Variants in NRXN3 observed in about 807,000 individuals in gnomAD.
NRXN3 encodes the protein neurexin III.
A neutral mutation model predicts 137.6 loss-of-function variants in NRXN3; 32 were observed. That is an observed-to-expected ratio of 0.23 (90% CI 0.18 to 0.31). NRXN3 has a LOEUF of 0.31. NRXN3 is among the 10% of genes least tolerant of loss of function. The pLI is 1.00. For missense variants in NRXN3, 1,574 were observed against 2,062.5 expected (o/e 0.76, Z 4.59); for synonymous variants, 798 against 784.5 (o/e 1.02, Z -0.29).
At chr14:78,469,579 GTC>G (rs937583080) in intron 4 of NRXN3, among the ~76,000 whole-genome samples, 1 of 152,190 alleles carries the variant, frequency 6.6e-6, no homozygotes, top group Non-Finnish European at 1.5e-5. Context: ...GACAGGAGCA[GTC>G]AGAAGGTGAA....
chr14:79,817,361 T>C (rs1049923814), intron 20 of NRXN3, among the ~76,000 whole-genome samples: 1 of 152,142 alleles, frequency 6.6e-6, no homozygotes, highest in South Asian at 2.1e-4. Context: ...CCTCCCTATA[T>C]AGTAAACTTT....
chr14:78,913,266 C>CTTTT (rs2099244939), intron 10 of NRXN3, among the ~76,000 whole-genome samples: 1 of 71,308 alleles, frequency 1.4e-5, no homozygotes, highest in Admixed American at 1.3e-4. Context: ...TTCTTTCTTT[C>CTTTT]TTTCTTTCTT....
At chr14:79,000,656 A>G (rs112224568) in intron 15 of NRXN3, among the ~76,000 whole-genome samples, 6,007 of 151,774 alleles carry the variant, frequency 0.04, 336 homozygotes, top group African/African-American at 0.13. Context: ...CACTGGCACT[A>G]AAGTGTGTCA....
At chr14:79,316,243 T>C (rs1041264829) in intron 15 of NRXN3, among the ~76,000 whole-genome samples, 3 of 152,208 alleles carry the variant, frequency 2.0e-5, no homozygotes, top group African/African-American at 7.2e-5. Flanking sequence ...TGTAAATGTA[T>C]CTCGTTGTTG....
chr14:78,862,162 T>G (rs1208249116), intron 10 of NRXN3, among the ~76,000 whole-genome samples: 1 of 152,088 alleles, frequency 6.6e-6, no homozygotes, highest in Non-Finnish European at 1.5e-5. Context: ...AGGGAGACCT[T>G]TCTAGTTGGT....
intron 16 of NRXN3, among the ~76,000 whole-genome samples, chr14:79,517,031 G>C (rs535074299): frequency 6.6e-6 from 1 of 150,802 alleles, no homozygotes; most frequent in African/African-American, 2.4e-5. Flanking sequence ...ATATGCATTT[G>C]TAATTTCAAT....
intron 15 of NRXN3, among the ~76,000 whole-genome samples, chr14:79,073,846 G>A (rs1026291335): frequency 1.3e-5 from 2 of 152,096 alleles, no homozygotes; most frequent in African/African-American, 2.4e-5. Flanking sequence ...GACTGCCTGT[G>A]CTCAAATTGC....
At chr14:79,527,408 T>C (rs1408935150) in intron 16 of NRXN3, among the ~76,000 whole-genome samples, 3 of 147,900 alleles carry the variant, frequency 2.0e-5, no homozygotes, top group African/African-American at 7.5e-5. Context: ...GATGAGGAGA[T>C]TGTGGATGGA....
intron 8 of NRXN3, among the ~76,000 whole-genome samples, chr14:78,740,044 G>A (rs545734636): frequency 2.0e-5 from 3 of 152,306 alleles, no homozygotes; most frequent in African/African-American, 4.8e-5. Context: ...CTCTTAAGTT[G>A]GGGGTGGATG....
intron 15 of NRXN3, among the ~76,000 whole-genome samples, chr14:79,048,879 C>T (rs1454091736): frequency 1.4e-5 from 2 of 148,106 alleles, no homozygotes; most frequent in Non-Finnish European, 3.0e-5. Flanking sequence ...AAAAATTAGC[C>T]GGGCATGGTG....
chr14:78,357,810 A>G (rs1169997654), intron 4 of NRXN3, among the ~76,000 whole-genome samples: 1 of 152,208 alleles, frequency 6.6e-6, no homozygotes, highest in Non-Finnish European at 1.5e-5. Flanking sequence ...GGTCATCTTA[A>G]ATGCAATTTT....
intron 10 of NRXN3, among the ~76,000 whole-genome samples, chr14:78,929,072 T>A (rs575058421): frequency 6.6e-6 from 1 of 152,346 alleles, no homozygotes; most frequent in Non-Finnish European, 1.5e-5. Flanking sequence ...TTTTTTCATG[T>A]GTTTTTTGGC....
intron 20 of NRXN3, among the ~76,000 whole-genome samples, chr14:79,835,293 G>A (rs1997565): frequency 0.91 from 138,172 of 152,152 alleles, 62,763 homozygotes; most frequent in East Asian, 0.95. Flanking sequence ...TGATAAATAT[G>A]TACAATTTTT....
At chr14:79,183,497 A>G (rs567761312) in intron 15 of NRXN3, among the ~76,000 whole-genome samples, 56 of 152,364 alleles carry the variant, frequency 3.7e-4, no homozygotes, top group Middle Eastern at 6.8e-3. Flanking sequence ...ACATCTGACA[A>G]ATGCTCAGTA....
At position 79,670,217 on chromosome 14, in the gene NRXN3, C is replaced by G. The variant is rs1187137883; in HGVS notation, c.3616+6268C>G. On this transcript the variant is annotated intron_variant, in intron 17 of 20. Coordinates refer to ENST00000335750, the MANE Select transcript of NRXN3 (RefSeq NM_001330195.2). ...TTATTTCCTTTTATGTGTTTTCTACCATGTAAACGATGGGCATTTGCCTTC... is the reference window on the plus strand; with the variant it reads ...TTATTTCCTTTTATGTGTTTTCTACGATGTAAACGATGGGCATTTGCCTTC... Among the ~76,000 whole-genome samples the G allele has an allele frequency of 2.0e-5, 3 of 152,152 alleles. 1 individual carries two copies. Among genetic ancestry groups the G allele is most frequent in the African/African-American group, 7.2e-5 (3 of 41,530 alleles).
intron 4 of NRXN3, among the ~76,000 whole-genome samples, chr14:78,501,019 C>A (rs77608571): frequency 0.012 from 1,762 of 152,210 alleles, 35 homozygotes; most frequent in African/African-American, 0.04. Context: ...GATGATCAAG[C>A]CTTTCTTATT....
intron 17 of NRXN3, among the ~76,000 whole-genome samples, chr14:79,685,634 G>A (rs1296801590): frequency 6.6e-6 from 1 of 152,174 alleles, no homozygotes; most frequent in Non-Finnish European, 1.5e-5. Context: ...GCAGTCGCCT[G>A]GGCCTAGTTT....
intron 15 of NRXN3, among the ~76,000 whole-genome samples, chr14:79,425,897 G>T (rs1292703857): frequency 6.6e-6 from 1 of 152,056 alleles, no homozygotes; most frequent in Non-Finnish European, 1.5e-5. Context: ...CAGGCTACTT[G>T]TTTGTTTGCA....
chr14:78,174,489 CTT>C (rs1376074456), intron 1 of NRXN3, among the ~76,000 whole-genome samples: 1 of 152,004 alleles, frequency 6.6e-6, no homozygotes, highest in Non-Finnish European at 1.5e-5. Flanking sequence ...TCTTGGTGGC[CTT>C]TGTGTTGGTT....
Sources: allele counts gnomAD v4.1 joint callset (sites outside exome capture counted in the v4.1 genomes callset), GRCh38; gene constraint gnomAD v4.1.1; transcripts MANE v1.5; gene names NCBI Gene and HGNC (gene_info 2026-07-23, HGNC 2026-07-21).